The following CALN1 variants were observed in gnomAD, a reference collection of about 807,000 sequenced individuals.
The protein encoded by CALN1 is calcium-binding protein 8.
In CALN1, 17 loss-of-function variants were observed where a neutral mutation model predicts 30.6. That is an observed-to-expected ratio of 0.56 (90% CI 0.38 to 0.83). The LOEUF (loss-of-function observed/expected upper bound fraction) is 0.83. CALN1 is among the 40% of genes least tolerant of loss of function. The pLI, the probability that CALN1 is intolerant of heterozygous loss-of-function variation, is 0.00. For synonymous variants in CALN1, 156 were observed against 131.4 expected (o/e 1.19, Z -1.28); for missense variants, 291 against 354.9 (o/e 0.82, Z 1.45).
At chr7:71,946,455 C>T (rs557367942) in intron 5 of CALN1, among the ~76,000 whole-genome samples, 3 of 150,662 alleles carry the variant, frequency 2.0e-5, no homozygotes, top group South Asian at 4.2e-4. Context: ...GCAGCCTTGA[C>T]CTCCGGGGCT....
intron 3 of CALN1, among the ~76,000 whole-genome samples, chr7:72,233,499 T>G (rs1794256325): frequency 6.6e-6 from 1 of 152,040 alleles, no homozygotes; most frequent in Admixed American, 6.6e-5. Context: ...GAGGATCACT[T>G]GAGACCAGGA....
chr7:72,334,138 T>C (rs553506664), intron 2 of CALN1, among the ~76,000 whole-genome samples: 1 of 152,234 alleles, frequency 6.6e-6, no homozygotes, highest in East Asian at 1.9e-4. Context: ...CTCAAAGGTG[T>C]GAAAGGGTCT....
At chr7:72,057,383 CTTTTTTTTTTTTT>C (rs60838093) in intron 4 of CALN1, among the ~76,000 whole-genome samples, 1 of 101,910 alleles carries the variant, frequency 9.8e-6, no homozygotes, top group African/African-American at 3.7e-5. Flanking sequence ...TTTAAATGTT[CTTTTTTTTTTTTT>C]TTTTTTTTGA....
chr7:72,304,217 G>C (rs548198105), intron 2 of CALN1, among the ~76,000 whole-genome samples: 1 of 152,330 alleles, frequency 6.6e-6, no homozygotes, highest in African/African-American at 2.4e-5. Flanking sequence ...ATTCAATTCA[G>C]ATTGGAAAAA....
intron 5 of CALN1, among the ~76,000 whole-genome samples, chr7:71,991,525 T>G (rs1008246300): frequency 6.7e-6 from 1 of 150,296 alleles, no homozygotes; most frequent in Non-Finnish European, 1.5e-5. Context: ...ATTTTAGAAG[T>G]GCAAAGCAAA....
intron 4 of CALN1, among the ~76,000 whole-genome samples, chr7:72,090,835 TATCTC>T: frequency 6.6e-6 from 1 of 152,220 alleles, no homozygotes; most frequent in Middle Eastern, 3.4e-3. Flanking sequence ...GAAAGACAAA[TATCTC>T]ATGTTCTCAC....
rs760168190 is a variant in CALN1, at chr7:72,278,733, C to T, written c.197G>A (p.Gly66Asp). The T allele has an allele frequency of 5.0e-6, 8 of 1,613,962 alleles. No homozygotes were observed. The highest frequency in any genetic ancestry group is 3.3e-5 in the Admixed American group (2 of 60,008). Residue 66 changes from glycine to aspartate, a missense_variant, in exon 3 of 7, where the codon GGC becomes GAC. Gly to Asp is a moderately conservative substitution (Grantham distance 94, BLOSUM62 -1). Coordinates refer to ENST00000395275, the MANE Select transcript of CALN1 (RefSeq NM_031468.4). ...GNYLNRSLSA[G>D]SDSEQLANIS... Reference sequence around the variant, plus strand: ...ATTAGCCAGCTGTTCGCTGTCACTGCCAGCAGAGAGCGATCGGTTGAGGTA... The same window carrying T: ...ATTAGCCAGCTGTTCGCTGTCACTGTCAGCAGAGAGCGATCGGTTGAGGTA...
At position 71,780,354 on chromosome 7, in the gene CALN1, C is replaced by T. The variant is rs1792653099; in HGVS notation, c.*7421G>A. On this transcript the variant is annotated 3_prime_UTR_variant, in exon 7 of 7. Coordinates refer to ENST00000395275, the MANE Select transcript of CALN1 (RefSeq NM_031468.4). The stretch of plus-strand genomic sequence containing the variant: ...AGAACAACAGGGCTTGTTAGAAAAA[C>T]AATTACTGGGACGTCAGTCTACTTT... 6.6e-6 allele frequency: 1 copy of T among 152,130 alleles called. No homozygotes were observed. Among genetic ancestry groups the T allele is most frequent in the Non-Finnish European group, 1.5e-5 (1 of 68,036 alleles). The allele number at this position is 152,130 out of a possible 1,614,324, so 9.4% of individuals were successfully genotyped here. A position where few individuals can be genotyped will look rare whatever the true frequency, so the allele number is the denominator to read the frequency against.
intron 2 of CALN1, among the ~76,000 whole-genome samples, chr7:72,346,729 T>A (rs558658710): frequency 6.6e-6 from 1 of 152,240 alleles, no homozygotes; most frequent in Admixed American, 6.5e-5. Flanking sequence ...TTGGACAGGC[T>A]GGTCTCGAAC....
At chr7:72,278,525 C>T (rs1364594205) in intron 3 of CALN1, among the ~76,000 whole-genome samples, 161 bp downstream of exon 3, 1 of 145,042 alleles carries the variant, frequency 6.9e-6, no homozygotes, top group Admixed American at 6.9e-5. Context: ...GTCACTTGGG[C>T]AAAACTTTGT....
intron 3 of CALN1, among the ~76,000 whole-genome samples, chr7:72,180,717 C>T (rs1036876701): frequency 6.6e-6 from 1 of 150,588 alleles, no homozygotes; most frequent in African/African-American, 2.4e-5. Context: ...AAGTGATCCT[C>T]CAGCCTCAGC....
chr7:72,052,757 C>A (rs1802916811), intron 4 of CALN1, among the ~76,000 whole-genome samples: 1 of 152,342 alleles, frequency 6.6e-6, no homozygotes, highest in Admixed American at 6.5e-5. Flanking sequence ...TCTCAGTGAC[C>A]AGAGACAGGG....
At position 72,180,735 on chromosome 7, in the gene CALN1, G is replaced by A. The variant is rs149095929; in HGVS notation, c.245-74441C>T. Among the ~76,000 whole-genome samples, 5 of 149,164 alleles carry A rather than the reference G, an allele frequency of 3.4e-5. No individual in the cohort carries two copies. The East Asian group carries it at 1.0e-3, about 31-fold the overall frequency. ...TGATCCTCCAGCCTCAGCCTCCCAC[G>A]TAGCTGAAGGCTACCACCTACCACG... On this transcript the variant is annotated intron_variant, in intron 3 of 6. Coordinates refer to ENST00000395275, the MANE Select transcript of CALN1 (RefSeq NM_031468.4).
chr7:71,847,750 A>AAAG (rs1562835438), intron 5 of CALN1, among the ~76,000 whole-genome samples: 1 of 125,120 alleles, frequency 8.0e-6, no homozygotes, highest in East Asian at 2.4e-4. Context: ...AAAGAAGAAG[A>AAAG]AAGAAGAAAG....
At chr7:72,399,270 CTTTTTTT>C (rs5884888) in intron 2 of CALN1, among the ~76,000 whole-genome samples, 5 of 106,778 alleles carry the variant, frequency 4.7e-5, no homozygotes, top group African/African-American at 1.1e-4. Context: ...TAACCTATTG[CTTTTTTT>C]TTTTTTTTTT....
intron 2 of CALN1, among the ~76,000 whole-genome samples, chr7:72,353,254 G>GTC (rs61411577): frequency 0.37 from 55,955 of 151,832 alleles, 11,109 homozygotes; most frequent in Admixed American, 0.45. Context: ...TGAGGCTACT[G>GTC]TCTCTCTGTT....
At chr7:72,422,259 G>A (rs1807636936) in intron 1 of CALN1, among the ~76,000 whole-genome samples, 1 of 152,202 alleles carries the variant, frequency 6.6e-6, no homozygotes, top group Non-Finnish European at 1.5e-5. Context: ...CAGTGTAGAA[G>A]TGTTTCATTT....
chr7:72,214,764 G>A lies in CALN1; in HGVS notation c.244+63922C>T, dbSNP rs186016444. Among the ~76,000 whole-genome samples, 704 of 152,116 alleles carry A rather than the reference G, an allele frequency of 4.6e-3. 5 individuals are homozygous for A. Among genetic ancestry groups the A allele is most frequent in the African/African-American group, 0.016 (679 of 41,504 alleles). ...TCTGTATTTACAGCCACTCCCCGCC[G>A]CTCGCATTCCCGCCTGAGCTCCACC... On this transcript the variant is annotated intron_variant, in intron 3 of 6. Transcript: ENST00000395275.
At chr7:72,354,867 G>A (rs2944808) in intron 2 of CALN1, among the ~76,000 whole-genome samples, 48,533 of 150,882 alleles carry the variant, frequency 0.32, 9,463 homozygotes, top group Middle Eastern at 0.49. Flanking sequence ...AAATTTTTGA[G>A]AACTTGAGTA....
Sources: gnomAD v4.1 joint callset for allele counts (sites outside exome capture counted in the v4.1 genomes callset) on GRCh38, gnomAD v4.1.1 for gene constraint, MANE v1.5 for transcripts, NCBI Gene and HGNC (gene_info 2026-07-23, HGNC 2026-07-21) for gene names.